The following FAM78B variants were observed in gnomAD, a reference collection of about 807,000 sequenced individuals.
The protein encoded by FAM78B is protein FAM78B.
FAM78B carries 10 observed loss-of-function variants against 20.0 expected under a neutral mutation model. That is an observed-to-expected ratio of 0.50 (90% CI 0.31 to 0.85). The LOEUF (loss-of-function observed/expected upper bound fraction) is 0.85, where lower values mean the gene tolerates loss of function less well. FAM78B is among the 40% of genes least tolerant of loss of function. FAM78B has a pLI of 0.05. For missense variants in FAM78B, 283 were observed against 345.0 expected, an observed-to-expected ratio of 0.82 and a Z score of 1.42; for synonymous variants, 135 against 132.8, an observed-to-expected ratio of 1.02 and a Z score of -0.12.
chr1:166,091,816 G>T (rs1033752337), intron 1 of FAM78B, among the ~76,000 whole-genome samples: 3 of 152,152 alleles, frequency 2.0e-5, no homozygotes, highest in African/African-American at 7.2e-5. Context: ...TATGAAATAG[G>T]TATTATGTCC....
At chr1:166,084,235 A>ACTCTCT (rs1482456707) in intron 1 of FAM78B, among the ~76,000 whole-genome samples, 2 of 119,964 alleles carry the variant, frequency 1.7e-5, no homozygotes, top group Admixed American at 1.9e-4. Flanking sequence ...ACACACACAC[A>ACTCTCT]CACTCTCTCT....
At position 166,070,230 on chromosome 1, in the gene FAM78B, C is replaced by A. The variant is rs1294727675; in HGVS notation, c.*11G>T. On this transcript the variant is annotated 3_prime_UTR_variant, in exon 2 of 2. Transcript: ENST00000354422. ...GGCGTGTGATCCACACACAGTCAGG[C>A]CAGTCTGCTTCTACTTAGGAGGGAT... 6.6e-7 allele frequency: 1 copy of A among 1,518,126 alleles called. No homozygotes were observed. The highest frequency in any genetic ancestry group is 8.8e-7 in the Non-Finnish European group (1 of 1,132,626). The allele number at this position is 1,518,126 out of a possible 1,614,324, so 94.0% of individuals were successfully genotyped here.
At chr1:166,145,930 TTC>T (rs1196679823) in intron 1 of FAM78B, among the ~76,000 whole-genome samples, 2 of 152,202 alleles carry the variant, frequency 1.3e-5, no homozygotes, top group African/African-American at 4.8e-5. Flanking sequence ...TGGTCTAAAA[TTC>T]TCTTTTTTTT....
chr1:166,065,125 C>A (rs1651751022), downstream of FAM78B, among the ~76,000 whole-genome samples: 1 of 152,230 alleles, frequency 6.6e-6, no homozygotes, highest in Non-Finnish European at 1.5e-5. Context: ...GGCACTCTTT[C>A]CTAGTCAGCC....
At chr1:166,111,389 A>G (rs1331023479) in intron 1 of FAM78B, among the ~76,000 whole-genome samples, 1 of 152,238 alleles carries the variant, frequency 6.6e-6, no homozygotes, top group Non-Finnish European at 1.5e-5. Context: ...TATCAAGTTG[A>G]GAGGCCTAAT....
At chr1:166,109,848 A>ATATATATATG (rs1653947441) in intron 1 of FAM78B, among the ~76,000 whole-genome samples, 1 of 28,450 alleles carries the variant, frequency 3.5e-5, no homozygotes, top group African/African-American at 8.9e-5. Flanking sequence ...ATGTATATAT[A>ATATATATATG]TATATATATA....
At chr1:166,094,035 G>GTC (rs564389621) in intron 1 of FAM78B, among the ~76,000 whole-genome samples, 4,851 of 146,500 alleles carry the variant, frequency 0.033, 884 homozygotes, top group East Asian at 0.078. Context: ...GTGTGTGTGT[G>GTC]TGTGTGTGTG....
chr1:166,112,681 C>T (rs1216329247), intron 1 of FAM78B, among the ~76,000 whole-genome samples: 1 of 152,194 alleles, frequency 6.6e-6, no homozygotes, highest in Admixed American at 6.5e-5. Flanking sequence ...TATCCACACC[C>T]CTGCTCTCAA....
chr1:166,073,464 T>G (rs563871088), intron 1 of FAM78B, among the ~76,000 whole-genome samples: 6 of 152,208 alleles, frequency 3.9e-5, no homozygotes, highest in Admixed American at 2.0e-4. Context: ...TAGATACTAA[T>G]GTACACCCCA....
intron 1 of FAM78B, among the ~76,000 whole-genome samples, chr1:166,072,339 GC>G (rs1652082972): frequency 6.6e-6 from 1 of 152,186 alleles, no homozygotes; most frequent in Admixed American, 6.5e-5. Context: ...AGCTGCAAGA[GC>G]CTTTTTTCTT....
intron 1 of FAM78B, among the ~76,000 whole-genome samples, chr1:166,118,786 C>G (rs561294494): frequency 6.6e-6 from 1 of 152,224 alleles, no homozygotes; most frequent in South Asian, 2.1e-4. Flanking sequence ...GGGCTTACTT[C>G]GAGGGAGCTA....
intron 1 of FAM78B, among the ~76,000 whole-genome samples, chr1:166,097,212 TG>T (rs1653319063): frequency 6.6e-6 from 1 of 152,220 alleles, no homozygotes; most frequent in Non-Finnish European, 1.5e-5. Flanking sequence ...AGAAAGGCCC[TG>T]GGAGCTTGCT....
chr1:166,084,237 A>ACACTCTCTCTCTCTCTCTCTCTCTCTCT (rs771421402), intron 1 of FAM78B, among the ~76,000 whole-genome samples: 1 of 125,416 alleles, frequency 8.0e-6, no homozygotes, highest in Non-Finnish European at 1.7e-5. Flanking sequence ...ACACACACAC[A>ACACTCTCTCTCTCTCTCTCTCTCTCTCT]CTCTCTCTCT....
At chr1:166,095,896 C>A (rs1653258070) in intron 1 of FAM78B, among the ~76,000 whole-genome samples, 1 of 152,116 alleles carries the variant, frequency 6.6e-6, no homozygotes, top group Non-Finnish European at 1.5e-5. Flanking sequence ...AAAGATTAAA[C>A]ACAGAGAAAA....
downstream of FAM78B, among the ~76,000 whole-genome samples, chr1:166,056,285 TAG>T (rs756989334): frequency 1.4e-3 from 196 of 144,050 alleles, 1 homozygote; most frequent in Middle Eastern, 0.01. Context: ...TGTGCGTGTG[TAG>T]AGAGAGAGAG....
Position 166,110,038 on chromosome 1 carries a change from A to G in FAM78B, c.264-39275T>C, listed in dbSNP as rs1042265377. ...TCAGGAATGGAAAACCAAACATCGT[A>G]TGTTCTCACTGATATGTGGGAGCTA... On this transcript the variant is annotated intron_variant, in intron 1 of 1. Coordinates refer to ENST00000354422, the MANE Select transcript of FAM78B (RefSeq NM_001017961.5). Among the ~76,000 whole-genome samples, 23 of 150,068 alleles carry G rather than the reference A, an allele frequency of 1.5e-4. No homozygotes were observed. The East Asian group carries it at 4.1e-3, about 27-fold the overall frequency.
intron 1 of FAM78B, among the ~76,000 whole-genome samples, chr1:166,140,213 C>G (rs1395870367): frequency 6.6e-6 from 1 of 152,262 alleles, no homozygotes. Flanking sequence ...TACACATTCA[C>G]TCTTTCCCGT....
In FAM78B at chr1:166,113,136, CAAGGTGAG is replaced by C. The variant is rs537917458; in HGVS notation, c.264-42381_264-42374del. Among the ~76,000 whole-genome samples the C allele has an allele frequency of 2.0e-4, 31 of 152,308 alleles. No homozygotes were observed. In the South Asian group the frequency reaches 2.1e-3, roughly 10 times the overall value. On this transcript the variant is annotated intron_variant, in intron 1 of 1. Coordinates refer to ENST00000354422, the MANE Select transcript of FAM78B (RefSeq NM_001017961.5). The stretch of plus-strand genomic sequence containing the variant: ...CAGACCCTGCACATGCTGTCCTGGT[CAAGGTGAG>C]GAGGTGAGCAAACCGACTCTCAACA...
intron 1 of FAM78B, among the ~76,000 whole-genome samples, chr1:166,158,936 AT>A (rs1335061171): frequency 6.6e-6 from 1 of 152,252 alleles, no homozygotes; most frequent in Non-Finnish European, 1.5e-5. Context: ...TAACCAACTT[AT>A]AAATGACAGC....
Sources: allele counts gnomAD v4.1 joint callset (sites outside exome capture counted in the v4.1 genomes callset), GRCh38; gene constraint gnomAD v4.1.1; transcripts MANE v1.5; gene names NCBI Gene and HGNC (gene_info 2026-07-23, HGNC 2026-07-21).